ANKRD11: variants seen among roughly 807,000 people sequenced by gnomAD.
The protein encoded by ANKRD11 is ankyrin repeat domain 11.
In ANKRD11, 17 loss-of-function variants were observed where a neutral mutation model predicts 195.7. That is an observed-to-expected ratio of 0.09 (90% CI 0.06 to 0.13). The LOEUF is 0.13. Among genes scored for constraint, ANKRD11 ranks in the 10% least tolerant of loss-of-function variants. The probability of loss-of-function intolerance (pLI) is 1.00; values close to 1 mark genes in which losing one functional copy is unlikely to be tolerated. For missense variants in ANKRD11, 3,735 were observed against 3,566.1 expected (o/e 1.05, Z -1.21); for synonymous variants, 1,953 against 1,528.1 (o/e 1.28, Z -6.49).
chr16:89,405,491 ATT>A (rs60792139), intron 2 of ANKRD11, among the ~76,000 whole-genome samples: 19 of 111,440 alleles, frequency 1.7e-4, no homozygotes, highest in African/African-American at 2.5e-4. Context: ...CACCTGGCTC[ATT>A]TTTTTTTTTT....
At chr16:89,338,259 C>A (rs1047204524) in intron 2 of ANKRD11, among the ~76,000 whole-genome samples, 1 of 152,104 alleles carries the variant, frequency 6.6e-6, no homozygotes, top group Non-Finnish European at 1.5e-5. Context: ...GCCATGAGCG[C>A]CACACTGTGT....
At chr16:89,275,061 T>C (rs764362118) in intron 10 of ANKRD11, 32 bp downstream of exon 10, 4 of 1,612,380 alleles carry the variant, frequency 2.5e-6, no homozygotes, top group Non-Finnish European at 3.4e-6. Context: ...GCCCTGGCCG[T>C]GGCGCCCCCC....
intron 1 of ANKRD11, among the ~76,000 whole-genome samples, chr16:89,461,244 G>T (rs2056656970): frequency 6.7e-6 from 1 of 148,454 alleles, no homozygotes; most frequent in African/African-American, 2.5e-5. Context: ...AAAGCAGATT[G>T]GTGGTCAGGG....
intron 2 of ANKRD11, among the ~76,000 whole-genome samples, chr16:89,362,782 T>C (rs1164572205): frequency 6.6e-6 from 1 of 152,206 alleles, no homozygotes; most frequent in African/African-American, 2.4e-5. Flanking sequence ...GGCCTGTTCC[T>C]CTTCCTTAGT....
rs1297291281 is a variant in ANKRD11, at chr16:89,286,961, C to T, written c.745-775G>A. The T allele has an allele frequency of 8.5e-6, 11 of 1,289,598 alleles. No individual in the cohort carries two copies. In the Admixed American group the frequency reaches 9.2e-5, roughly 11 times the overall value. The allele number at this position is 1,289,598 out of a possible 1,614,324, so 79.9% of individuals were successfully genotyped here. ...TCGCCCACAGAATCAGTTTCCAGTT[C>T]GTGTGTGACATGTTCTATTGTTGAA... On this transcript the variant is annotated intron_variant, in intron 7 of 12. Transcript: ENST00000301030.
intron 2 of ANKRD11, among the ~76,000 whole-genome samples, chr16:89,390,267 C>T (rs1449826116): frequency 9.6e-5 from 13 of 136,064 alleles, no homozygotes; most frequent in Middle Eastern, 4.3e-3. Context: ...CCGAGTGTGG[C>T]GGGGAGCACC....
chr16:89,302,011 C>G (rs1157865066), intron 4 of ANKRD11, among the ~76,000 whole-genome samples: 1 of 152,194 alleles, frequency 6.6e-6, no homozygotes, highest in East Asian at 1.9e-4. Flanking sequence ...GCACCCACAC[C>G]CCTCCAGAGA....
At chr16:89,343,353 T>C (rs1264370114) in intron 2 of ANKRD11, among the ~76,000 whole-genome samples, 4 of 152,244 alleles carry the variant, frequency 2.6e-5, no homozygotes, top group Admixed American at 2.0e-4. Context: ...TGACATTTAG[T>C]TATAAGCTCC....
At chr16:89,287,283 G>T in intron 7 of ANKRD11, 1 of 374,848 alleles carries the variant, frequency 2.7e-6, no homozygotes, top group Non-Finnish European at 5.0e-6. Flanking sequence ...AGCAGGAAAG[G>T]CTCTCAAGCT....
At chr16:89,418,989 T>C (rs991346867) in intron 1 of ANKRD11, among the ~76,000 whole-genome samples, 2 of 152,064 alleles carry the variant, frequency 1.3e-5, no homozygotes, top group Admixed American at 6.6e-5. Flanking sequence ...TCCAAAGTGT[T>C]AGGATTACAG....
At position 89,380,119 on chromosome 16, in the gene ANKRD11, T is replaced by C. The variant is rs534312294; in HGVS notation, c.-60+38165A>G. 3.3e-5 allele frequency among the ~76,000 whole-genome samples: 5 copies of C among 152,294 alleles called. No individual in the cohort carries two copies. The South Asian group carries it at 1.0e-3, about 32-fold the overall frequency. On this transcript the variant is annotated intron_variant, in intron 2 of 12. Transcript: ENST00000301030. ...CCAGTTGCAAAACAATGATGCCTGT[T>C]TTTTTCTTTTTGAGACAGAGTCTCA...
At chr16:89,268,706 G>T (rs2151661636) in intron 12 of ANKRD11, 43 bp from the exon 13 acceptor site, 1 of 1,554,962 alleles carries the variant, frequency 6.4e-7, no homozygotes, top group South Asian at 1.2e-5. Flanking sequence ...AGGAGTGAAG[G>T]GAGAGCCCCA....
At chr16:89,357,859 G>A (rs965502699) in intron 2 of ANKRD11, among the ~76,000 whole-genome samples, 1 of 152,230 alleles carries the variant, frequency 6.6e-6, no homozygotes, top group African/African-American at 2.4e-5. Flanking sequence ...CCAGGGTGCT[G>A]GCTGCCCCTT....
At position 89,283,156 on chromosome 16, in the gene ANKRD11, C is replaced by G; in HGVS notation, c.3386G>C (p.Ser1129Thr). ...CATCTTGAACCCGCTCCCCATGCAG[C>G]TGTCTCTGTCGTCCTCACTCTCATC... ...FTDESEDDRD[S>T]CMGSGFKMGE... The change falls in exon 9 of 13, where the codon AGC becomes ACC. Residue 1129 changes from serine (S) to threonine (T), a missense_variant. Coordinates refer to ENST00000301030, the MANE Select transcript of ANKRD11 (RefSeq NM_013275.6). The surrounding 1 kb of genome is among the most constrained non-coding windows in gnomAD (Gnocchi z 4.3). The G allele has an allele frequency of 6.2e-7, 1 of 1,614,066 alleles. No homozygotes were observed. Among genetic ancestry groups the G allele is most frequent in the Non-Finnish European group, 8.5e-7 (1 of 1,180,034 alleles).
intron 3 of ANKRD11, among the ~76,000 whole-genome samples, 165 bp downstream of exon 3, chr16:89,316,768 T>C (rs189030897): frequency 2.0e-3 from 309 of 152,306 alleles, no homozygotes; most frequent in African/African-American, 7.0e-3. Context: ...AAGGCCACTT[T>C]GGGAAAGATC....
chr16:89,373,979 A>G (rs189739874), intron 2 of ANKRD11, among the ~76,000 whole-genome samples: 1 of 152,354 alleles, frequency 6.6e-6, no homozygotes, highest in Non-Finnish European at 1.5e-5. Context: ...CGACATCTCC[A>G]GAAGGGTCTG....
chr16:89,409,618 A>G (rs891072543), intron 2 of ANKRD11, among the ~76,000 whole-genome samples: 10 of 152,228 alleles, frequency 6.6e-5, no homozygotes, highest in African/African-American at 1.9e-4. Flanking sequence ...GTTCCAGGCC[A>G]GTCTGAGCAA....
At chr16:89,333,635 G>A (rs1339402280) in intron 2 of ANKRD11, among the ~76,000 whole-genome samples, 1 of 152,132 alleles carries the variant, frequency 6.6e-6, no homozygotes, top group South Asian at 2.1e-4. Context: ...CCTTGGAGAC[G>A]GGCTGCTTTC....
chr16:89,420,749 T>C (rs1044785373), intron 1 of ANKRD11, among the ~76,000 whole-genome samples: 1 of 152,204 alleles, frequency 6.6e-6, no homozygotes, highest in Non-Finnish European at 1.5e-5. Flanking sequence ...AGGGTCTCAC[T>C]GTGTTGCCAA....
Sources: allele counts gnomAD v4.1 joint callset (sites outside exome capture counted in the v4.1 genomes callset), GRCh38; gene constraint gnomAD v4.1.1; non-coding constraint Gnocchi (gnomAD v3.1); transcripts MANE v1.5; gene names NCBI Gene and HGNC (gene_info 2026-07-23, HGNC 2026-07-21).